The following SLC35F1 variants were observed in gnomAD, a reference collection of about 807,000 sequenced individuals.
SLC35F1 encodes the protein solute carrier family 35 member F1.
In SLC35F1, 14 loss-of-function variants were observed where a neutral mutation model predicts 48.7. That is an observed-to-expected ratio of 0.29 (90% confidence interval 0.19 to 0.45). SLC35F1 has a LOEUF of 0.45. SLC35F1 is among the 20% of genes least tolerant of loss of function. SLC35F1 has a pLI of 1.00. For missense variants in SLC35F1, 404 were observed against 500.0 expected (o/e 0.81, Z 1.83); for synonymous variants, 190 against 202.2 (o/e 0.94, Z 0.51).
chr6:118,299,645 G>A (rs748589248), intron 7 of SLC35F1, among the ~76,000 whole-genome samples: 7 of 152,192 alleles, frequency 4.6e-5, no homozygotes, highest in African/African-American at 1.4e-4. Flanking sequence ...GATGTGCAGC[G>A]ATTGTAATGC....
intron 1 of SLC35F1, among the ~76,000 whole-genome samples, chr6:118,089,921 G>A (rs777934187): frequency 1.2e-4 from 18 of 152,140 alleles, no homozygotes; most frequent in Non-Finnish European, 2.2e-4. Context: ...AAGCCGAAAA[G>A]CTATAATGGT....
chr6:118,016,043 C>CA (rs1777316467), intron 1 of SLC35F1, among the ~76,000 whole-genome samples: 1 of 152,206 alleles, frequency 6.6e-6, no homozygotes, highest in Non-Finnish European at 1.5e-5. Flanking sequence ...CAAACTCTAT[C>CA]AAATTTGAAT....
intron 3 of SLC35F1, among the ~76,000 whole-genome samples, chr6:118,240,475 T>G (rs1775424195): frequency 1.3e-5 from 2 of 152,224 alleles, no homozygotes; most frequent in South Asian, 4.1e-4. Context: ...AAGTAATTAC[T>G]GAATACTTCG....
intron 2 of SLC35F1, among the ~76,000 whole-genome samples, chr6:118,188,896 C>A (rs1189209210): frequency 6.6e-6 from 1 of 151,956 alleles, no homozygotes; most frequent in Non-Finnish European, 1.5e-5. Flanking sequence ...AGTTTCATAA[C>A]CTGCACTGAT....
At chr6:118,190,711 C>T (rs1273658828) in intron 2 of SLC35F1, among the ~76,000 whole-genome samples, 4 of 152,122 alleles carry the variant, frequency 2.6e-5, no homozygotes, top group Non-Finnish European at 5.9e-5. Context: ...ACTATTGTGA[C>T]TATGGGGAGG....
In SLC35F1 at chr6:118,256,205, GGTGTGTGTGTGTGTGTGTGTGTGTGT is replaced by G. The variant is rs71554895; in HGVS notation, c.478-10766_478-10741del. Reference sequence around the variant, plus strand: ...GCCTGTCAGCTTAAAGAAGACTTCTGGTGTGTGTGTGTGTGTGTGTGTGTGTGTGTGTGTGTGTGTGTGTGTGTGAC... The same window carrying G: ...GCCTGTCAGCTTAAAGAAGACTTCTGGTGTGTGTGTGTGTGTGTGTGTGAC... On this transcript the variant is annotated intron_variant, in intron 3 of 7. Coordinates refer to ENST00000360388, the MANE Select transcript of SLC35F1 (RefSeq NM_001029858.4). Among the ~76,000 whole-genome samples, 311 of 143,006 alleles carry G rather than the reference GGTGTGTGTGTGTGTGTGTGTGTGTGT, an allele frequency of 2.2e-3. 3 individuals are homozygous for G. Among genetic ancestry groups the G allele is most frequent in the South Asian group, 0.021 (93 of 4,356 alleles). 93.8% of individuals were successfully genotyped at this position (143,006 alleles called of 152,430 possible).
At chr6:117,972,537 A>C (rs1384814735) in intron 1 of SLC35F1, among the ~76,000 whole-genome samples, 1 of 152,218 alleles carries the variant, frequency 6.6e-6, no homozygotes, top group Non-Finnish European at 1.5e-5. Flanking sequence ...AAGAGATTTA[A>C]TGGACTCACA....
chr6:117,978,166 G>C (rs1270648424), intron 1 of SLC35F1, among the ~76,000 whole-genome samples: 2 of 152,076 alleles, frequency 1.3e-5, no homozygotes, highest in Non-Finnish European at 2.9e-5. Flanking sequence ...TCCCTCCAAA[G>C]CAGTAAAGTG....
At chr6:118,128,558 A>G (rs1773662840) in intron 1 of SLC35F1, among the ~76,000 whole-genome samples, 1 of 152,152 alleles carries the variant, frequency 6.6e-6, no homozygotes. Context: ...AACTATCGCA[A>G]GGACAAAAAA....
chr6:117,937,101 G>A (rs1168474751), intron 1 of SLC35F1, among the ~76,000 whole-genome samples: 1 of 152,166 alleles, frequency 6.6e-6, no homozygotes, highest in African/African-American at 2.4e-5. Flanking sequence ...CTCATTTTGA[G>A]GATGAGGAAA....
intron 1 of SLC35F1, among the ~76,000 whole-genome samples, chr6:117,913,632 A>C (rs1280197900): frequency 6.6e-6 from 1 of 152,274 alleles, no homozygotes; most frequent in Non-Finnish European, 1.5e-5. Context: ...AAGAAATGTC[A>C]AAGAAAACAA....
intron 1 of SLC35F1, among the ~76,000 whole-genome samples, chr6:117,930,210 T>C (rs1776082797): frequency 6.6e-6 from 1 of 152,208 alleles, no homozygotes; most frequent in African/African-American, 2.4e-5. Context: ...TCTTATGTCC[T>C]CAGGAAGTCC....
chr6:118,229,696 G>A (rs1775263554), intron 2 of SLC35F1, among the ~76,000 whole-genome samples: 1 of 152,202 alleles, frequency 6.6e-6, no homozygotes, highest in African/African-American at 2.4e-5. Flanking sequence ...ATCTGTATGT[G>A]GAGTTAGTAG....
intron 1 of SLC35F1, among the ~76,000 whole-genome samples, chr6:118,138,519 A>AT (rs1255006320): frequency 6.6e-6 from 1 of 152,198 alleles, no homozygotes; most frequent in South Asian, 2.1e-4. Context: ...CCAAGGCACT[A>AT]TATCAGCAAC....
chr6:118,250,827 C>G (rs1775564462), intron 3 of SLC35F1, among the ~76,000 whole-genome samples: 1 of 151,714 alleles, frequency 6.6e-6, no homozygotes, highest in Non-Finnish European at 1.5e-5. Flanking sequence ...ATACAAAAAG[C>G]CGGACGTGGT....
At chr6:118,225,057 G>A (rs555509544) in intron 2 of SLC35F1, among the ~76,000 whole-genome samples, 19 of 152,252 alleles carry the variant, frequency 1.2e-4, no homozygotes, top group East Asian at 3.9e-4. Context: ...TATTCCATGC[G>A]CATGGGTTGG....
chr6:117,952,407 A>T (rs1055398171), intron 1 of SLC35F1, among the ~76,000 whole-genome samples: 4 of 152,138 alleles, frequency 2.6e-5, no homozygotes, highest in Non-Finnish European at 5.9e-5. Flanking sequence ...ATGCTAAAGG[A>T]TGGATTTGCT....
At chr6:118,110,628 G>C (rs1223549369) in intron 1 of SLC35F1, among the ~76,000 whole-genome samples, 1 of 152,172 alleles carries the variant, frequency 6.6e-6, no homozygotes, top group East Asian at 1.9e-4. Context: ...TGCTGGAGCT[G>C]TGGTGTCAGA....
intron 1 of SLC35F1, among the ~76,000 whole-genome samples, chr6:118,115,425 A>G (rs1167583335): frequency 6.6e-6 from 1 of 152,208 alleles, no homozygotes; most frequent in African/African-American, 2.4e-5. Flanking sequence ...GGTTTTAATG[A>G]TAACACTTTA....
Sources: gnomAD v4.1 joint callset for allele counts (sites outside exome capture counted in the v4.1 genomes callset) on GRCh38, gnomAD v4.1.1 for gene constraint, MANE v1.5 for transcripts, NCBI Gene and HGNC (gene_info 2026-07-23, HGNC 2026-07-21) for gene names.